The following COG5 variants were observed in gnomAD, a reference collection of about 807,000 sequenced individuals.
COG5 encodes the protein conserved oligomeric Golgi complex subunit 5.
Under a neutral mutation model 110.4 loss-of-function variants are expected in COG5, and 86 were observed. The ratio of observed to expected loss-of-function variants is 0.78; its 90% CI spans 0.65 to 0.93. The LOEUF is 0.93. Ranked by LOEUF, COG5 falls within the 40% of genes least tolerant of loss-of-function variation. The probability of loss-of-function intolerance (pLI) is 0.00; values close to 1 mark genes in which losing one functional copy is unlikely to be tolerated. For missense variants in COG5, 1,077 were observed against 987.0 expected, an observed-to-expected ratio of 1.09 and a Z score of -1.22; for synonymous variants, 360 against 334.6, an observed-to-expected ratio of 1.08 and a Z score of -0.83.
At chr7:107,329,064 C>G (rs1189374951) in intron 10 of COG5, among the ~76,000 whole-genome samples, 2 of 152,188 alleles carry the variant, frequency 1.3e-5, no homozygotes, top group Non-Finnish European at 1.5e-5. Context: ...AACTACAGAT[C>G]TACAGATCTA....
intron 17 of COG5, 50 bp from the exon 18 acceptor site, chr7:107,236,737 T>A: frequency 1.7e-6 from 2 of 1,203,312 alleles, no homozygotes; most frequent in East Asian, 2.3e-5. Context: ...TAAATCACAC[T>A]CTTTGATTTT....
chr7:107,553,158 C>A (rs1803051915), intron 3 of COG5, among the ~76,000 whole-genome samples: 1 of 152,128 alleles, frequency 6.6e-6, no homozygotes, highest in Admixed American at 6.5e-5. Flanking sequence ...ACCTGGGTGA[C>A]AGGATCATTT....
At chr7:107,516,193 T>A (rs747387880) in intron 6 of COG5, among the ~76,000 whole-genome samples, 1 of 152,204 alleles carries the variant, frequency 6.6e-6, no homozygotes, top group Non-Finnish European at 1.5e-5. Context: ...AATAAGATAA[T>A]AGTATACTTT....
intron 6 of COG5, among the ~76,000 whole-genome samples, chr7:107,514,866 G>T (rs975809441): frequency 6.6e-6 from 1 of 152,126 alleles, no homozygotes; most frequent in Admixed American, 6.6e-5. Context: ...AAGTGCAGAT[G>T]AGCCAAAATA....
At chr7:107,383,187 T>A (rs1815278973) in intron 7 of COG5, among the ~76,000 whole-genome samples, 1 of 152,098 alleles carries the variant, frequency 6.6e-6, no homozygotes, top group Non-Finnish European at 1.5e-5. Flanking sequence ...CTCTCCCTTT[T>A]TGGAGGAGGA....
intron 6 of COG5, among the ~76,000 whole-genome samples, chr7:107,477,515 A>G (rs1420662293): frequency 6.6e-6 from 1 of 151,822 alleles, no homozygotes; most frequent in Non-Finnish European, 1.5e-5. Flanking sequence ...GGTAAATATT[A>G]TATTGCCCTT....
chr7:107,432,191 G>A (rs1367495221), intron 6 of COG5, among the ~76,000 whole-genome samples: 1 of 152,068 alleles, frequency 6.6e-6, no homozygotes, highest in African/African-American at 2.4e-5. Context: ...TTTGGCATAA[G>A]CATTAAATCT....
At chr7:107,311,449 A>G (rs1235234888) in intron 11 of COG5, among the ~76,000 whole-genome samples, 1 of 120,970 alleles carries the variant, frequency 8.3e-6, no homozygotes, top group Non-Finnish European at 1.6e-5. Flanking sequence ...TGCGGACTGC[A>G]GTGGCGCAAT....
chr7:107,387,054 G>C (rs1243076599), intron 7 of COG5, among the ~76,000 whole-genome samples: 1 of 152,220 alleles, frequency 6.6e-6, no homozygotes, highest in African/African-American at 2.4e-5. Flanking sequence ...CCTGTCTTAA[G>C]CAAGTGGCAT....
intron 6 of COG5, 33 bp from the exon 7 acceptor site, chr7:107,412,665 T>C: frequency 7.7e-7 from 1 of 1,300,224 alleles, no homozygotes; most frequent in East Asian, 2.3e-5. Flanking sequence ...CATTCAAATA[T>C]TTCAATACTG....
intron 7 of COG5, among the ~76,000 whole-genome samples, chr7:107,378,151 A>G (rs948158100): frequency 2.6e-5 from 4 of 152,178 alleles, no homozygotes; most frequent in African/African-American, 4.8e-5. Flanking sequence ...GACCTCCAGC[A>G]AACTCCAGCA....
At chr7:107,458,530 C>A (rs1286029019) in intron 6 of COG5, among the ~76,000 whole-genome samples, 1 of 152,080 alleles carries the variant, frequency 6.6e-6, no homozygotes, top group Non-Finnish European at 1.5e-5. Flanking sequence ...TATCAAAAAA[C>A]CTAAAACAAC....
At chr7:107,381,103 T>G in intron 7 of COG5, among the ~76,000 whole-genome samples, 1 of 151,648 alleles carries the variant, frequency 6.6e-6, no homozygotes, top group East Asian at 1.9e-4. Context: ...ATTCAAAAGG[T>G]TTATAAAAGG....
chr7:107,225,757 G>A (rs2116351294), intron 19 of COG5, among the ~76,000 whole-genome samples: 1 of 152,282 alleles, frequency 6.6e-6, no homozygotes, highest in South Asian at 2.1e-4. Flanking sequence ...AAATAGTAGA[G>A]GTCGGCTGGG....
intron 6 of COG5, among the ~76,000 whole-genome samples, chr7:107,454,349 T>C (rs1055411741): frequency 1.3e-5 from 2 of 152,192 alleles, no homozygotes; most frequent in Non-Finnish European, 2.9e-5. Context: ...GGCTGCACCA[T>C]GATTCTATTC....
intron 6 of COG5, chr7:107,472,945 C>A (rs1357891363): frequency 2.0e-5 from 3 of 151,704 alleles, no homozygotes; most frequent in Admixed American, 2.0e-4. Flanking sequence ...GAACATTAGA[C>A]ATTATTTTTT....
chr7:107,412,532 C>T lies in COG5; in HGVS notation c.639G>A (p.Lys213=), dbSNP rs925413684. 55 of 1,612,856 alleles carry T rather than the reference C, an allele frequency of 3.4e-5. No homozygotes were observed. The highest frequency in any genetic ancestry group is 8.3e-5 in the Admixed American group (5 of 59,986). ...TCTCCAAACCCTGCTCTAGTAGGCG[C>T]TTAGCTTGATTTTCCACTTCAAGTC... The part of the protein sequence containing the change: ...RARLEVENQA[K]RLLEQGLETQ... Residue 213 remains lysine, a synonymous_variant, in exon 7 of 22, where the codon AAG becomes AAA. Coordinates refer to ENST00000297135, the MANE Select transcript of COG5 (RefSeq NM_006348.5).
At chr7:107,473,075 T>A (rs1237831769) in intron 6 of COG5, 1 of 151,832 alleles carries the variant, frequency 6.6e-6, no homozygotes, top group African/African-American at 2.4e-5. Context: ...ACAAAAGGCT[T>A]CACAGGTAAT....
chr7:107,397,276 T>C (rs1053795321), intron 7 of COG5, among the ~76,000 whole-genome samples: 3 of 152,254 alleles, frequency 2.0e-5, no homozygotes, highest in African/African-American at 7.2e-5. Flanking sequence ...AACACAGACA[T>C]AATGGCTACC....
Sources: gnomAD v4.1 joint callset for allele counts (sites outside exome capture counted in the v4.1 genomes callset) on GRCh38, gnomAD v4.1.1 for gene constraint, MANE v1.5 for transcripts, NCBI Gene and HGNC (gene_info 2026-07-23, HGNC 2026-07-21) for gene names.